FMO3: variants seen among roughly 807,000 people sequenced by gnomAD.
FMO3 encodes the protein flavin containing dimethylaniline monoxygenase 3.
In FMO3, 40 loss-of-function variants were observed where a neutral mutation model predicts 39.4. The observed-to-expected ratio is 1.02, with a 90% CI of 0.79 to 1.32. The LOEUF (loss-of-function observed/expected upper bound fraction) is 1.32. Ranked by LOEUF, FMO3 falls within the 40% of genes most tolerant of loss-of-function variation. The pLI, the probability that FMO3 is intolerant of heterozygous loss-of-function variation, is 0.00. For missense variants in FMO3, 680 were observed against 651.8 expected, an observed-to-expected ratio of 1.04 and a Z score of -0.47; for synonymous variants, 219 against 228.8, an observed-to-expected ratio of 0.96 and a Z score of 0.39.
In FMO3 at chr1:171,110,913, C is replaced by T. The variant is rs748801201; in HGVS notation, c.743C>T (p.Pro248Leu). The stretch of plus-strand genomic sequence containing the variant: ...GGAACCTTCCTCAAGAACAATTTAC[C>T]GACAGCCATCTCTGACTGGTTGTAC... ...RFGTFLKNNL[P>L]TAISDWLYVK... The change falls in exon 6 of 9, where the codon CCG becomes CTG. Residue 248 changes from proline to leucine, a missense_variant. By Grantham distance (98) the Pro-to-Leu change is moderately conservative (BLOSUM62 -3). Transcript: ENST00000367755. 17 of 1,613,784 alleles carry T rather than the reference C, an allele frequency of 1.1e-5. No individual in the cohort carries two copies. Among genetic ancestry groups the T allele is most frequent in the Admixed American group, 3.3e-5 (2 of 59,970 alleles).
Position 171,113,999 on chromosome 1 carries a change from C to T in FMO3, c.828-8C>T. ...CACTTCCAATAATTGTCTCTGTTTT[C>T]CATACAGAGTCCTGAGGAAAGAGCC... On this transcript the variant is annotated splice_region_variant and splice_polypyrimidine_tract_variant and intron_variant, in intron 6 of 8. Coordinates refer to ENST00000367755, the MANE Select transcript of FMO3 (RefSeq NM_001002294.3). 1 of 1,525,630 alleles carries T rather than the reference C, an allele frequency of 6.6e-7. No individual in the cohort carries two copies. The highest frequency in any genetic ancestry group is 9.1e-7 in the Non-Finnish European group (1 of 1,103,886). The allele number at this position is 1,525,630 out of a possible 1,614,324, so 94.5% of individuals were successfully genotyped here.
chr1:171,117,099 G>C lies in FMO3; in HGVS notation c.1257-1G>C. On this transcript the variant is annotated splice_acceptor_variant, in intron 8 of 8. Coordinates refer to ENST00000367755, the MANE Select transcript of FMO3 (RefSeq NM_001002294.3). LOFTEE classifies it high-confidence loss of function. ...AGTGGTGTTTTCTCTCCCATCTCCA[G>C]GTTTGGCAAAAGCGAGACCATACAG... The C allele has an allele frequency of 6.2e-7, 1 of 1,613,192 alleles. No individual in the cohort carries two copies. Among genetic ancestry groups the C allele is most frequent in the Non-Finnish European group, 8.5e-7 (1 of 1,179,166 alleles).
intron 2 of FMO3, among the ~76,000 whole-genome samples, chr1:171,095,435 C>G (rs1290229202): frequency 6.6e-6 from 1 of 152,098 alleles, no homozygotes; most frequent in East Asian, 1.9e-4. Flanking sequence ...TCAGTACAGT[C>G]TTCCAGCCTT....
At chr1:171,115,938 A>G (rs1282219685) in intron 7 of FMO3, among the ~76,000 whole-genome samples, 2 of 152,350 alleles carry the variant, frequency 1.3e-5, no homozygotes, top group East Asian at 3.9e-4. Context: ...TTTAAAAGAC[A>G]ACATTCTTAA....
At chr1:171,101,875 T>C in intron 2 of FMO3, 1 of 386,088 alleles carries the variant, frequency 2.6e-6, no homozygotes, top group South Asian at 2.0e-5. Flanking sequence ...GTTTTATGAA[T>C]AGTGGCTTTC....
chr1:171,106,140 A>ATT (rs869288175), intron 3 of FMO3, among the ~76,000 whole-genome samples: 1 of 147,086 alleles, frequency 6.8e-6, no homozygotes. Context: ...GACTATTAGA[A>ATT]TTTTTTTTTT....
chr1:171,095,777 A>C (rs1049205137), intron 2 of FMO3, among the ~76,000 whole-genome samples: 2 of 123,418 alleles, frequency 1.6e-5, no homozygotes, highest in Non-Finnish European at 3.3e-5. Flanking sequence ...ATATATATTT[A>C]TATATTAAAT....
At chr1:171,109,617 C>T (rs191611546) in intron 5 of FMO3, among the ~76,000 whole-genome samples, 1 of 141,620 alleles carries the variant, frequency 7.1e-6, no homozygotes, top group African/African-American at 2.6e-5. Context: ...TCACTGCAAC[C>T]TCCGTCTCCC....
At chr1:171,098,319 A>G (rs977942312) in intron 2 of FMO3, among the ~76,000 whole-genome samples, 1 of 152,056 alleles carries the variant, frequency 6.6e-6, no homozygotes, top group African/African-American at 2.4e-5. Context: ...TTTTTCAATT[A>G]TGTGAAGAAA....
intron 3 of FMO3, among the ~76,000 whole-genome samples, chr1:171,106,002 A>T (rs1655618725): frequency 7.7e-6 from 1 of 130,086 alleles, no homozygotes; most frequent in South Asian, 3.1e-4. Flanking sequence ...AAATATACAA[A>T]AACTTTCCAA....
At chr1:171,107,959 T>C (rs1484261518) in intron 4 of FMO3, 120 bp from the exon 5 acceptor site, 1 of 1,359,488 alleles carries the variant, frequency 7.4e-7, no homozygotes, top group Non-Finnish European at 1.1e-6. Flanking sequence ...ATATCTAATA[T>C]GCTTGGTGTG....
At position 171,117,152 on chromosome 1, in the gene FMO3, C is replaced by T; in HGVS notation, c.1309C>T (p.Leu437Phe). The T allele has an allele frequency of 1.2e-6, 2 of 1,614,150 alleles. No homozygotes were observed. Among genetic ancestry groups the T allele is most frequent in the Non-Finnish European group, 1.7e-6 (2 of 1,179,980 alleles). ...AGATTACATTGTTTATATGGATGAA[C>T]TCTCCTCCTTCATTGGGGCAAAGCC... is the stretch of plus-strand genomic sequence containing the variant. Reference protein sequence around the residue: ...QTDYIVYMDELSSFIGAKPNI... With the variant: ...QTDYIVYMDEFSSFIGAKPNI... Residue 437 changes from leucine (L) to phenylalanine (F), a missense_variant, in exon 9 of 9, where the codon CTC (leucine) becomes TTC (phenylalanine). Physicochemically the swap from Leu to Phe is conservative, Grantham distance 22. Coordinates refer to ENST00000367755, the MANE Select transcript of FMO3 (RefSeq NM_001002294.3).
At chr1:171,098,769 G>C (rs919364398) in intron 2 of FMO3, among the ~76,000 whole-genome samples, 1 of 152,160 alleles carries the variant, frequency 6.6e-6, no homozygotes, top group East Asian at 1.9e-4. Flanking sequence ...TTTCCTAATT[G>C]AACATGCTTT....
intron 6 of FMO3, among the ~76,000 whole-genome samples, chr1:171,112,328 C>T (rs912886801): frequency 2.0e-5 from 3 of 152,100 alleles, no homozygotes; most frequent in African/African-American, 2.4e-5. Flanking sequence ...AGAGATTGAT[C>T]GGCTGCTGTG....
Position 171,092,674 on chromosome 1 carries a change from G to A in FMO3, c.16G>A (p.Ala6Thr), listed in dbSNP as rs780989065. The change falls in exon 2 of 9, where the codon GCC becomes ACC. Residue 6 changes from alanine to threonine, a missense_variant. Coordinates refer to ENST00000367755, the MANE Select transcript of FMO3 (RefSeq NM_001002294.3). The stretch of plus-strand genomic sequence containing the variant: ...ACAGGTTACCATGGGGAAGAAAGTG[G>A]CCATCATTGGAGCTGGTGTGAGTGG... MGKKV[A>T]IIGAGVSGLA... The A allele has an allele frequency of 2.5e-6, 4 of 1,614,182 alleles. No individual in the cohort carries two copies. Among genetic ancestry groups the A allele is most frequent in the Non-Finnish European group, 3.4e-6 (4 of 1,180,022 alleles).
At chr1:171,106,387 GC>G (rs1655641036) in intron 3 of FMO3, among the ~76,000 whole-genome samples, 1 of 152,106 alleles carries the variant, frequency 6.6e-6, no homozygotes, top group Non-Finnish European at 1.5e-5. Flanking sequence ...TGATCTACCT[GC>G]CTCACCCTCC....
chr1:171,117,631 G>A lies in FMO3; in HGVS notation c.*189G>A. 3 of 541,696 alleles carry A rather than the reference G, an allele frequency of 5.5e-6. No individual in the cohort carries two copies. The highest frequency in any genetic ancestry group is 3.2e-6 in the Non-Finnish European group (1 of 307,732). The allele number at this position is 541,696 out of a possible 1,614,324, so 33.6% of individuals were successfully genotyped here. A position where few individuals can be genotyped will look rare whatever the true frequency, so the allele number is the denominator to read the frequency against. On this transcript the variant is annotated 3_prime_UTR_variant, in exon 9 of 9. Transcript: ENST00000367755. ...ATAGCCACTTTAAGAATCATGTCAT[G>A]ATCTTAAGAGAGCACTAATCATTTC...
intron 7 of FMO3, among the ~76,000 whole-genome samples, chr1:171,114,590 C>G (rs1449361798): frequency 6.6e-6 from 1 of 152,144 alleles, no homozygotes; most frequent in Non-Finnish European, 1.5e-5. Flanking sequence ...GTGACTACAA[C>G]TTCTTACAGC....
chr1:171,116,348 A>G, intron 8 of FMO3, 68 bp downstream of exon 8: 1 of 840,096 alleles, frequency 1.2e-6, no homozygotes, highest in Non-Finnish European at 2.0e-6. Context: ...GAATGCTTGG[A>G]ACTGTTTTAA....
Sources: allele counts gnomAD v4.1 joint callset (sites outside exome capture counted in the v4.1 genomes callset), GRCh38; gene constraint gnomAD v4.1.1; transcripts MANE v1.5; gene names NCBI Gene and HGNC (gene_info 2026-07-23, HGNC 2026-07-21).